Variants in VEZT observed in about 807,000 individuals in gnomAD.
VEZT encodes vezatin.
VEZT carries 39 observed loss-of-function variants against 79.9 expected under a neutral mutation model. That is an observed-to-expected ratio of 0.49 (90% CI 0.38 to 0.64). VEZT has a LOEUF of 0.64. Ranked by LOEUF, VEZT falls within the 30% of genes least tolerant of loss-of-function variation. VEZT has a pLI of 0.00. For missense variants in VEZT, 837 were observed against 893.1 expected (o/e 0.94, Z 0.80); for synonymous variants, 325 against 327.6 (o/e 0.99, Z 0.09).
At chr12:95,238,856 A>G (rs932817722) in intron 1 of VEZT, among the ~76,000 whole-genome samples, 1 of 152,244 alleles carries the variant, frequency 6.6e-6, no homozygotes, top group African/African-American at 2.4e-5. Context: ...TTGTAGTCCC[A>G]GTTATCCAAC....
chr12:95,232,121 T>C (rs1411488740), intron 1 of VEZT, among the ~76,000 whole-genome samples: 3 of 152,238 alleles, frequency 2.0e-5, no homozygotes, highest in African/African-American at 7.2e-5. Flanking sequence ...TGTTGTTCTA[T>C]ATGTGATAGT....
chr12:95,288,591 C>T (rs960095418), intron 9 of VEZT, among the ~76,000 whole-genome samples: 1 of 152,128 alleles, frequency 6.6e-6, no homozygotes, highest in Non-Finnish European at 1.5e-5. Context: ...ATAATTAATG[C>T]TTTACCATCC....
At chr12:95,236,078 G>A (rs2060127399) in intron 1 of VEZT, among the ~76,000 whole-genome samples, 1 of 152,134 alleles carries the variant, frequency 6.6e-6, no homozygotes, top group African/African-American at 2.4e-5. Context: ...AGGCGGCTGG[G>A]AGGTGGAGGT....
intron 1 of VEZT, among the ~76,000 whole-genome samples, chr12:95,232,597 T>C (rs1032523918): frequency 5.3e-5 from 8 of 152,234 alleles, no homozygotes; most frequent in African/African-American, 1.9e-4. Context: ...TAGTAGCTAG[T>C]GTGCCTGTGT....
chr12:95,300,700 T>C lies in VEZT; in HGVS notation c.*27T>C, dbSNP rs1292953167. ...AACCAAGATTCATATGAAGTGATATTAGATTGTTCCTTTTACAAAAGTGTT... is the reference window on the plus strand; with the variant it reads ...AACCAAGATTCATATGAAGTGATATCAGATTGTTCCTTTTACAAAAGTGTT... On this transcript the variant is annotated 3_prime_UTR_variant, in exon 12 of 12. Transcript: ENST00000436874. The C allele has an allele frequency of 1.3e-6, 2 of 1,529,246 alleles. No homozygotes were observed. The highest frequency in any genetic ancestry group is 1.8e-6 in the Non-Finnish European group (2 of 1,142,432). The allele number at this position is 1,529,246 out of a possible 1,614,324, so 94.7% of individuals were successfully genotyped here.
intron 1 of VEZT, among the ~76,000 whole-genome samples, chr12:95,242,931 T>C (rs746924907): frequency 1.6e-4 from 24 of 148,236 alleles, no homozygotes; most frequent in Non-Finnish European, 2.4e-4. Context: ...ATTATAATAA[T>C]AAGTTGAATT....
intron 1 of VEZT, among the ~76,000 whole-genome samples, chr12:95,235,106 C>T (rs1445240914): frequency 9.2e-5 from 14 of 152,186 alleles, no homozygotes; most frequent in Non-Finnish European, 1.5e-4. Context: ...TTTTCCCCAC[C>T]TTTCCCCCCT....
intron 2 of VEZT, among the ~76,000 whole-genome samples, chr12:95,255,726 C>T (rs1158096338): frequency 2.6e-5 from 4 of 152,146 alleles, no homozygotes; most frequent in Non-Finnish European, 5.9e-5. Context: ...CCACCGCCCC[C>T]GGCCTTGAAT....
chr12:95,265,115 C>A (rs1313387910), intron 4 of VEZT, among the ~76,000 whole-genome samples: 3 of 152,108 alleles, frequency 2.0e-5, no homozygotes, highest in Non-Finnish European at 4.4e-5. Context: ...CCCACCTGTG[C>A]CTCTCAAAGT....
chr12:95,251,355 A>C (rs1334259731), intron 1 of VEZT, among the ~76,000 whole-genome samples: 2 of 152,170 alleles, frequency 1.3e-5, no homozygotes, highest in African/African-American at 2.4e-5. Flanking sequence ...TGTTAGCCAT[A>C]CTGTGTTCTA....
At chr12:95,282,682 T>G in intron 8 of VEZT, 38 bp downstream of exon 8, 79 of 1,508,416 alleles carry the variant, frequency 5.2e-5, no homozygotes, top group Non-Finnish European at 6.2e-5. Context: ...GTCTCGGTAA[T>G]TAGCAAGCTT....
chr12:95,243,905 C>T (rs749554138), intron 1 of VEZT: 5 of 454,446 alleles, frequency 1.1e-5, no homozygotes, highest in Non-Finnish European at 2.2e-5. Flanking sequence ...TGCACATACC[C>T]ACTCCCGCTT....
chr12:95,299,106 C>T (rs1188525631), intron 11 of VEZT: 2 of 154,746 alleles, frequency 1.3e-5, no homozygotes, highest in East Asian at 3.8e-4. Context: ...GTAAAGTCCG[C>T]ATGGAATTAG....
intron 7 of VEZT, among the ~76,000 whole-genome samples, chr12:95,280,479 TACACACAC>T (rs34219058): frequency 2.1e-4 from 25 of 117,794 alleles, no homozygotes; most frequent in Non-Finnish European, 3.4e-4. Flanking sequence ...TACACACACA[TACACACAC>T]ACACACACAC....
At chr12:95,264,722 C>G (rs1230862806) in intron 4 of VEZT, among the ~76,000 whole-genome samples, 1 of 152,014 alleles carries the variant, frequency 6.6e-6, no homozygotes, top group Non-Finnish European at 1.5e-5. Context: ...CAGGCACGAG[C>G]CCCTGCACCT....
rs774956762 is a variant in VEZT at position 95,287,740 on chromosome 12, C to G, written c.1405C>G (p.Pro469Ala). The G allele has an allele frequency of 6.2e-7, 1 of 1,602,440 alleles. No homozygotes were observed. Among genetic ancestry groups the G allele is most frequent in the Non-Finnish European group, 8.5e-7 (1 of 1,173,840 alleles). ...ACAAGAACTAGTGTCAGAGGCTTAT[C>G]CCATCCTAGAACAGAAATTAAAGTT... ...ETQELVSEAY[P>A]ILEQKLKLIQ... The change falls in exon 9 of 12, where the codon CCC becomes GCC. Residue 469 changes from proline (P) to alanine (A), a missense_variant. Transcript: ENST00000436874.
At chr12:95,264,869 C>CTTTTT (rs71078693) in intron 4 of VEZT, among the ~76,000 whole-genome samples, 1,571 of 113,044 alleles carry the variant, frequency 0.014, 5 homozygotes, top group Non-Finnish European at 0.02. Flanking sequence ...CTTTTCTTTT[C>CTTTTT]TTTTTTTTTT....
At chr12:95,282,688 A>T in intron 8 of VEZT, 44 bp downstream of exon 8, 1 of 1,502,176 alleles carries the variant, frequency 6.7e-7, no homozygotes, top group Non-Finnish European at 9.0e-7. Flanking sequence ...GTAATTAGCA[A>T]GCTTCATTCG....
chr12:95,242,280 G>A (rs2061127750), intron 1 of VEZT: 2 of 152,102 alleles, frequency 1.3e-5, no homozygotes, highest in Admixed American at 1.3e-4. Context: ...AGGATCGCTT[G>A]AGGCCAGGAG....
Sources: allele counts gnomAD v4.1 joint callset (sites outside exome capture counted in the v4.1 genomes callset), GRCh38; gene constraint gnomAD v4.1.1; transcripts MANE v1.5; gene names NCBI Gene and HGNC (gene_info 2026-07-23, HGNC 2026-07-21).